MEOX1: variants seen among roughly 807,000 people sequenced by gnomAD.
MEOX1 encodes the protein mesenchyme homeobox 1.
A neutral mutation model predicts 23.2 loss-of-function variants in MEOX1; 17 were observed. The ratio of observed to expected loss-of-function variants is 0.73; its 90% CI spans 0.50 to 1.10. The LOEUF is 1.10. Ranked by LOEUF, MEOX1 falls within the 50% of genes least tolerant of loss-of-function variation. The pLI is 0.00. For missense variants in MEOX1, 333 were observed against 332.2 expected (o/e 1.00, Z -0.02); for synonymous variants, 134 against 135.1 (o/e 0.99, Z 0.06).
chr17:43,661,013 C>G, intron 1 of MEOX1, 53 bp downstream of exon 1: 1 of 1,245,108 alleles, frequency 8.0e-7, no homozygotes, highest in Non-Finnish European at 1.1e-6. Flanking sequence ...GGGTGAGTAA[C>G]TTCCCCAGGG....
chr17:43,660,492 C>A (rs1973115888), intron 1 of MEOX1, among the ~76,000 whole-genome samples: 1 of 152,202 alleles, frequency 6.6e-6, no homozygotes, highest in Non-Finnish European at 1.5e-5. Context: ...TGCCCCAAAC[C>A]TCAGCCCTCC....
intron 1 of MEOX1, among the ~76,000 whole-genome samples, chr17:43,659,348 A>C (rs1845001806): frequency 6.6e-6 from 1 of 152,102 alleles, no homozygotes; most frequent in African/African-American, 2.4e-5. Flanking sequence ...AATTTTCGGG[A>C]TGGGGATCTA....
intron 1 of MEOX1, among the ~76,000 whole-genome samples, chr17:43,655,071 A>G (rs113295700): frequency 3.3e-5 from 5 of 152,054 alleles, no homozygotes; most frequent in African/African-American, 1.2e-4. Flanking sequence ...AAAGAAAAAG[A>G]AAATACACTC....
chr17:43,655,976 CTT>C (rs1400544330), intron 1 of MEOX1, among the ~76,000 whole-genome samples: 3 of 152,074 alleles, frequency 2.0e-5, no homozygotes, highest in African/African-American at 7.2e-5. Context: ...AAGACGGTAA[CTT>C]TTATGTTATG....
intron 1 of MEOX1, among the ~76,000 whole-genome samples, chr17:43,649,693 C>T (rs944321788): frequency 2.0e-5 from 3 of 152,194 alleles, no homozygotes; most frequent in Admixed American, 2.0e-4. Flanking sequence ...ATCACTCCTG[C>T]GCTGCTTCTC....
intron 1 of MEOX1, among the ~76,000 whole-genome samples, chr17:43,656,334 G>A (rs1344115892): frequency 6.6e-6 from 1 of 152,100 alleles, no homozygotes; most frequent in African/African-American, 2.4e-5. Context: ...CAGAGAGGGG[G>A]AAGAAAATGC....
At chr17:43,657,012 C>CCCTT (rs1555567820) in intron 1 of MEOX1, among the ~76,000 whole-genome samples, 1 of 105,146 alleles carries the variant, frequency 9.5e-6, no homozygotes, top group East Asian at 2.7e-4. Context: ...TTCTTTCTTT[C>CCCTT]TCTTTCTTTC....
chr17:43,646,391 A>G (rs1191137270), intron 1 of MEOX1, among the ~76,000 whole-genome samples: 1 of 152,142 alleles, frequency 6.6e-6, no homozygotes, highest in African/African-American at 2.4e-5. Context: ...GCCCGGAGAG[A>G]GGCAGGAAAC....
In MEOX1 at chr17:43,643,603, G is replaced by A. The variant is rs200747279; in HGVS notation, c.527C>T (p.Thr176Met). 5.6e-5 allele frequency: 91 copies of A among 1,613,242 alleles called. No homozygotes were observed. The highest frequency in any genetic ancestry group is 8.9e-5 in the East Asian group (4 of 44,836). The change falls in exon 2 of 3, where the codon ACG (threonine) becomes ATG (methionine). Residue 176 changes from threonine to methionine, a missense_variant. Transcript: ENST00000318579. Reference protein sequence around the residue: ...EGSSKARKERTAFTKEQLREL... With the variant: ...EGSSKARKERMAFTKEQLREL... ...TCGCAGCTGCTCCTTGGTGAAGGCCGTCCTCTCCTTGCGGGCTTTGCTGCT... is the reference window on the plus strand; with the variant it reads ...TCGCAGCTGCTCCTTGGTGAAGGCCATCCTCTCCTTGCGGGCTTTGCTGCT...
intron 1 of MEOX1, among the ~76,000 whole-genome samples, chr17:43,643,861 C>A (rs1972751651): frequency 1.3e-5 from 2 of 151,676 alleles, no homozygotes; most frequent in Admixed American, 1.3e-4. Context: ...TTTTGGTTTC[C>A]AATCTCAGGT....
In MEOX1 at chr17:43,641,969, A is replaced by T; in HGVS notation, c.706T>A (p.Ser236Thr). Residue 236 changes from serine to threonine, a missense_variant, in exon 3 of 3, where the codon TCC (serine) becomes ACC (threonine). Physicochemically the swap from Ser to Thr is moderately conservative, Grantham distance 58 (BLOSUM62 1). Coordinates refer to ENST00000318579, the MANE Select transcript of MEOX1 (RefSeq NM_004527.4). ...WKRVKGGQPI[S>T]PNGQDPEDGD... ...TCCTCAGGGTCCTGCCCATTGGGGG[A>T]GATGGGCTGACCTCCCTTCACACGC... 1 of 1,613,428 alleles carries T rather than the reference A, an allele frequency of 6.2e-7. No individual in the cohort carries two copies. The highest frequency in any genetic ancestry group is 1.7e-4 in the Middle Eastern group (1 of 6,060).
In MEOX1 at chr17:43,648,448, C is replaced by G. The variant is rs888740487; in HGVS notation, c.470-4788G>C. On this transcript the variant is annotated intron_variant, in intron 1 of 2. Coordinates refer to ENST00000318579, the MANE Select transcript of MEOX1 (RefSeq NM_004527.4). ...TACCACTGCACTCCAGCCTGGGCAA[C>G]AGAGAAAGACTCTGTCTCAAAAAAA... 2.3e-5 allele frequency among the ~76,000 whole-genome samples: 3 copies of G among 132,270 alleles called. No individual in the cohort carries two copies. In the Admixed American group the frequency reaches 2.4e-4, roughly 11 times the overall value. The allele number at this position is 132,270 out of a possible 152,430, so 86.8% of individuals were successfully genotyped here.
chr17:43,654,407 C>T (rs1198877366), intron 1 of MEOX1, among the ~76,000 whole-genome samples: 2 of 152,104 alleles, frequency 1.3e-5, no homozygotes, highest in Non-Finnish European at 2.9e-5. Context: ...ACTTGGGAGA[C>T]TGAGGCAAGA....
At chr17:43,652,609 G>GCCAGGAAGTTGTGGATCAGGGACCTGAA (rs1972937270) in intron 1 of MEOX1, among the ~76,000 whole-genome samples, 1 of 152,122 alleles carries the variant, frequency 6.6e-6, no homozygotes, top group Non-Finnish European at 1.5e-5. Flanking sequence ...CGTCCACACA[G>GCCAGGAAGTTGTGGATCAGGGACCTGAA]CCAGGAAGTT....
At chr17:43,653,511 C>CTT (rs558730946) in intron 1 of MEOX1, among the ~76,000 whole-genome samples, 9 of 137,892 alleles carry the variant, frequency 6.5e-5, no homozygotes, top group Admixed American at 7.4e-5. Flanking sequence ...ACTGCCTCCA[C>CTT]TTTTTTTTTT....
chr17:43,658,941 T>G (rs1973090176), intron 1 of MEOX1, among the ~76,000 whole-genome samples: 1 of 152,172 alleles, frequency 6.6e-6, no homozygotes, highest in Admixed American at 6.5e-5. Context: ...CCAGGGCCCC[T>G]GCGGATGGGA....
intron 1 of MEOX1, among the ~76,000 whole-genome samples, chr17:43,651,995 T>C (rs1272296735): frequency 6.6e-6 from 1 of 152,144 alleles, no homozygotes; most frequent in East Asian, 1.9e-4. Context: ...GGCGTGGGAT[T>C]TGTGCTGGAG....
chr17:43,642,539 G>C (rs143334141), intron 2 of MEOX1, among the ~76,000 whole-genome samples: 32 of 152,352 alleles, frequency 2.1e-4, no homozygotes, highest in African/African-American at 7.0e-4. Context: ...GGCAGGATTT[G>C]AATCTAAGTC....
chr17:43,649,414 C>A (rs1487755784), intron 1 of MEOX1, among the ~76,000 whole-genome samples: 5 of 148,970 alleles, frequency 3.4e-5, no homozygotes, highest in Admixed American at 1.4e-4. Context: ...TCAAGCGATT[C>A]TCCTGCCTCA....
Sources: gnomAD v4.1 joint callset for allele counts (sites outside exome capture counted in the v4.1 genomes callset) on GRCh38, gnomAD v4.1.1 for gene constraint, MANE v1.5 for transcripts, NCBI Gene and HGNC (gene_info 2026-07-23, HGNC 2026-07-21) for gene names.